Variants in TIMELESS observed in about 807,000 individuals in gnomAD.
TIMELESS encodes the protein timeless circadian regulator.
Under a neutral mutation model 164.3 loss-of-function variants are expected in TIMELESS, and 124 were observed. That is an observed-to-expected ratio of 0.75 (90% confidence interval 0.65 to 0.88). TIMELESS has a LOEUF of 0.88. TIMELESS is among the 40% of genes least tolerant of loss of function. The pLI, the probability that TIMELESS is intolerant of heterozygous loss-of-function variation, is 0.00. For missense variants in TIMELESS, 1,422 were observed against 1,491.4 expected, an observed-to-expected ratio of 0.95 and a Z score of 0.77; for synonymous variants, 564 against 563.4, an observed-to-expected ratio of 1.00 and a Z score of -0.02.
intron 7 of TIMELESS, 102 bp downstream of exon 7, chr12:56,432,267 G>C (rs1881910345): frequency 7.1e-7 from 1 of 1,407,668 alleles, no homozygotes; most frequent in South Asian, 1.5e-5. Context: ...GCTGTCGCCT[G>C]CCTTCCCCAG....
chr12:56,426,558 T>C (rs1026920786), intron 13 of TIMELESS, among the ~76,000 whole-genome samples: 1 of 151,404 alleles, frequency 6.6e-6, no homozygotes, highest in Admixed American at 6.6e-5. Context: ...GGCTAATTTT[T>C]GTTTGTTTGT....
chr12:56,448,512 G>A (rs1041846023), intron 1 of TIMELESS, among the ~76,000 whole-genome samples: 3 of 151,770 alleles, frequency 2.0e-5, no homozygotes, highest in Non-Finnish European at 4.4e-5. Context: ...GGATCACGAA[G>A]TCAGGAGTTT....
chr12:56,432,788 C>CA (rs71081356), intron 6 of TIMELESS, among the ~76,000 whole-genome samples: 80,212 of 146,892 alleles, frequency 0.55, 22,316 homozygotes, highest in African/African-American at 0.63. Flanking sequence ...ACTAAAAATA[C>CA]AAAAAAAAAA....
Position 56,428,934 on chromosome 12 carries a change from T to C in TIMELESS, c.1253A>G (p.Tyr418Cys). 6.2e-7 allele frequency: 1 copy of C among 1,614,010 alleles called. No homozygotes were observed. The highest frequency in any genetic ancestry group is 8.5e-7 in the Non-Finnish European group (1 of 1,179,998). Residue 418 changes from tyrosine to cysteine, a missense_variant, in exon 11 of 29, where the codon TAC becomes TGC. Coordinates refer to ENST00000553532, the MANE Select transcript of TIMELESS (RefSeq NM_003920.5). ...FHFIEQNLTNYYEMMLTDRKE... is the reference protein window; with the variant it reads ...FHFIEQNLTNCYEMMLTDRKE... ...GCGGTCAGTCAGCATCATCTCATAG[T>C]AGTTGGTGAGGTTCTGCTCAATGAA...
At chr12:56,441,390 G>A (rs1181731416) in intron 1 of TIMELESS, among the ~76,000 whole-genome samples, 2 of 149,126 alleles carry the variant, frequency 1.3e-5, no homozygotes, top group African/African-American at 5.2e-5. Context: ...GGGAGGTTGA[G>A]GTGGGAGGAT....
At chr12:56,442,783 A>G (rs765741496) in intron 1 of TIMELESS, among the ~76,000 whole-genome samples, 5 of 152,238 alleles carry the variant, frequency 3.3e-5, no homozygotes, top group Non-Finnish European at 7.3e-5. Flanking sequence ...CTGAAGCCAC[A>G]GCAGAAGAAC....
chr12:56,443,977 C>A (rs1462151302), intron 1 of TIMELESS, among the ~76,000 whole-genome samples: 3 of 150,888 alleles, frequency 2.0e-5, no homozygotes, highest in African/African-American at 7.3e-5. Context: ...CGGCTCACTG[C>A]ATCTCCGCCT....
chr12:56,440,427 G>A (rs1204617129), intron 1 of TIMELESS, among the ~76,000 whole-genome samples: 3 of 152,118 alleles, frequency 2.0e-5, no homozygotes, highest in Non-Finnish European at 4.4e-5. Flanking sequence ...ATGAGCCACT[G>A]CGCCCGACCA....
chr12:56,445,501 G>A lies in TIMELESS; in HGVS notation c.-62+3809C>T, dbSNP rs565819132. Reference sequence around the variant, plus strand: ...TGCCTGTAATCCCAGCACTTTGGGAGGCCGAGGCGGGTGGATCACCTGAGG... The same window carrying A: ...TGCCTGTAATCCCAGCACTTTGGGAAGCCGAGGCGGGTGGATCACCTGAGG... On this transcript the variant is annotated intron_variant, in intron 1 of 28. Coordinates refer to ENST00000553532, the MANE Select transcript of TIMELESS (RefSeq NM_003920.5). 1.2e-3 allele frequency among the ~76,000 whole-genome samples: 178 copies of A among 148,028 alleles called. 5 individuals carry two copies. Among genetic ancestry groups the A allele is most frequent in the Non-Finnish European group, 4.2e-4 (28 of 67,206 alleles).
At position 56,437,790 on chromosome 12, in the gene TIMELESS, G is replaced by A. The variant is rs570987654; in HGVS notation, c.-61-3559C>T. 1.3e-4 allele frequency among the ~76,000 whole-genome samples: 20 copies of A among 152,178 alleles called. 1 individual carries two copies. Among genetic ancestry groups the A allele is most frequent in the South Asian group, 1.2e-3 (6 of 4,806 alleles). ...GAAAAAGTGTCCTTATGATGACCCC[G>A]TATGATAATCAACTCATCAACGCTC... On this transcript the variant is annotated intron_variant, in intron 1 of 28. Coordinates refer to ENST00000553532, the MANE Select transcript of TIMELESS (RefSeq NM_003920.5).
chr12:56,421,318 C>A (rs1195212516), intron 23 of TIMELESS, 33 bp downstream of exon 23: 2 of 1,605,796 alleles, frequency 1.2e-6, no homozygotes, highest in Non-Finnish European at 8.5e-7. Flanking sequence ...GGGAAGTGAG[C>A]CCATGCCAGC....
chr12:56,424,972 G>A, intron 14 of TIMELESS, 43 bp downstream of exon 14: 1 of 1,613,960 alleles, frequency 6.2e-7, no homozygotes, highest in Non-Finnish European at 8.5e-7. Context: ...TGTATACCCT[G>A]AGCACTATTC....
rs1008752901 is a variant in TIMELESS at position 56,421,887 on chromosome 12, G to A, written c.2642+12C>T. 2 of 1,613,616 alleles carry A rather than the reference G, an allele frequency of 1.2e-6. No individual in the cohort carries two copies. Among genetic ancestry groups the A allele is most frequent in the Admixed American group, 1.7e-5 (1 of 60,012 alleles). ...CCCATCCCAATAGCCTCCAGAGCAT[G>A]TGCCTCTCTACCTTTGGAAGTCCTT... On this transcript the variant is annotated intron_variant, in intron 21 of 28. Transcript: ENST00000553532.
Position 56,423,883 on chromosome 12 carries a change from G to C in TIMELESS, c.1880C>G (p.Pro627Arg). The C allele has an allele frequency of 6.2e-7, 1 of 1,614,134 alleles. No individual in the cohort carries two copies. Among genetic ancestry groups the C allele is most frequent in the African/African-American group, 1.3e-5 (1 of 75,042 alleles). ...TLLRSAREVWPEGDVFGSQDI... is the reference protein window; with the variant it reads ...TLLRSAREVWREGDVFGSQDI... ...TTGAGAGCCAAACACATCTCCTTCA[G>C]GCCACACCTCCCTGGAGCACAGATA... The change falls in exon 16 of 29, where the codon CCT becomes CGT. Residue 627 changes from proline to arginine, a missense_variant. Pro to Arg is a moderately radical substitution (Grantham distance 103). Coordinates refer to ENST00000553532, the MANE Select transcript of TIMELESS (RefSeq NM_003920.5).
At chr12:56,427,236 C>T (rs1045719705) in intron 13 of TIMELESS, among the ~76,000 whole-genome samples, 4 of 152,110 alleles carry the variant, frequency 2.6e-5, no homozygotes, top group Non-Finnish European at 4.4e-5. Flanking sequence ...AATTCTCGTG[C>T]CTCAGCTTCC....
At chr12:56,442,730 G>C (rs1868294025) in intron 1 of TIMELESS, among the ~76,000 whole-genome samples, 2 of 152,172 alleles carry the variant, frequency 1.3e-5, no homozygotes, top group Admixed American at 1.3e-4. Context: ...ATATAAGATA[G>C]ATGATGTTGC....
chr12:56,441,140 G>A (rs1868269088), intron 1 of TIMELESS, among the ~76,000 whole-genome samples: 1 of 152,104 alleles, frequency 6.6e-6, no homozygotes, highest in Admixed American at 6.5e-5. Flanking sequence ...ATCTAATGAT[G>A]ATAATAATAA....
At chr12:56,428,464 G>C in intron 12 of TIMELESS, 59 bp from the exon 13 acceptor site, 2 of 1,606,858 alleles carry the variant, frequency 1.2e-6, no homozygotes, top group Non-Finnish European at 1.7e-6. Context: ...GAAAAGGAGA[G>C]ATGGATGAAG....
intron 15 of TIMELESS, 60 bp downstream of exon 15, chr12:56,424,702 C>A: frequency 1.9e-6 from 3 of 1,579,926 alleles, no homozygotes; most frequent in Non-Finnish European, 2.6e-6. Flanking sequence ...AACACTGTAC[C>A]GCAGTGATGG....
Sources: allele counts gnomAD v4.1 joint callset (sites outside exome capture counted in the v4.1 genomes callset), GRCh38; gene constraint gnomAD v4.1.1; transcripts MANE v1.5; gene names NCBI Gene and HGNC (gene_info 2026-07-23, HGNC 2026-07-21).